Variants in HNRNPR observed in about 807,000 individuals in gnomAD.
HNRNPR encodes heterogeneous nuclear ribonucleoprotein R.
A neutral mutation model predicts 70.3 loss-of-function variants in HNRNPR; 4 were observed. The observed-to-expected ratio is 0.06, with a 90% CI of 0.03 to 0.13. The LOEUF (loss-of-function observed/expected upper bound fraction) is 0.13. HNRNPR is among the 10% of genes least tolerant of loss of function. The probability of loss-of-function intolerance (pLI) is 1.00; values close to 1 mark genes in which losing one functional copy is unlikely to be tolerated. For missense variants in HNRNPR, 423 were observed against 788.5 expected (o/e 0.54, Z 5.55); for synonymous variants, 241 against 267.6 (o/e 0.90, Z 0.97).
chr1:23,311,371 T>C lies in HNRNPR; in HGVS notation c.1168-49A>G, dbSNP rs369832684. Reference sequence around the variant, plus strand: ...TTTACAACGATATAAAACTGTATTTTGTTTTATATAGTATGTAAGCTATTA... The same window carrying C: ...TTTACAACGATATAAAACTGTATTTCGTTTTATATAGTATGTAAGCTATTA... On this transcript the variant is annotated intron_variant, in intron 9 of 10. Coordinates refer to ENST00000302271, the MANE Select transcript of HNRNPR (RefSeq NM_005826.5). The C allele has an allele frequency of 2.4e-4, 293 of 1,229,726 alleles. 1 individual carries two copies. Among genetic ancestry groups the C allele is most frequent in the Non-Finnish European group, 3.2e-4 (279 of 860,880 alleles). The allele number at this position is 1,229,726 out of a possible 1,614,324, so 76.2% of individuals were successfully genotyped here.
rs1645281969 is a variant in HNRNPR, at chr1:23,310,359, TAAAGATG to T, written c.*88_*94del. ...ATACAAATGGCAGCAAAATGCTACTTAAAGATGAAACAGTTAAGCCAATTTTTTTTTT... is the reference window on the plus strand; with the variant it reads ...ATACAAATGGCAGCAAAATGCTACTTAAACAGTTAAGCCAATTTTTTTTTT... On this transcript the variant is annotated 3_prime_UTR_variant, in exon 11 of 11. Transcript: ENST00000302271. This position sits in a 1 kb window ranked among gnomAD's most constrained non-coding sequence, Gnocchi z 6.0. The T allele has an allele frequency of 8.2e-7, 1 of 1,221,900 alleles. No individual in the cohort carries two copies. The highest frequency in any genetic ancestry group is 2.3e-5 in the Admixed American group (1 of 43,250). 75.7% of individuals were successfully genotyped at this position (1,221,900 alleles called of 1,614,324 possible). A position where few individuals can be genotyped will look rare whatever the true frequency, so the allele number is the denominator to read the frequency against.
intron 5 of HNRNPR, among the ~76,000 whole-genome samples, chr1:23,329,413 C>G (rs532014855): frequency 7.9e-5 from 12 of 152,290 alleles, no homozygotes; most frequent in African/African-American, 2.9e-4. Context: ...TTTTTAGTCT[C>G]TGAGTCATTC....
At chr1:23,312,739 T>A (rs1645382707) in intron 9 of HNRNPR, among the ~76,000 whole-genome samples, 1 of 152,158 alleles carries the variant, frequency 6.6e-6, no homozygotes, top group Non-Finnish European at 1.5e-5. Flanking sequence ...ATGCTCAGAT[T>A]AGAGATGGCA....
intron 5 of HNRNPR, among the ~76,000 whole-genome samples, chr1:23,330,825 C>CTT (rs1404964182): frequency 2.6e-5 from 4 of 152,178 alleles, no homozygotes; most frequent in African/African-American, 9.7e-5. Context: ...GGCACTGACT[C>CTT]TAACTTCAAC....
At chr1:23,327,785 T>C (rs1646050109) in intron 5 of HNRNPR, among the ~76,000 whole-genome samples, 1 of 151,674 alleles carries the variant, frequency 6.6e-6, no homozygotes, top group Non-Finnish European at 1.5e-5. Flanking sequence ...AGGGGCTAAA[T>C]GATGGGGCTG....
rs1171758123 is a variant in HNRNPR at position 23,310,782 on chromosome 1, C to A, written c.1574G>T (p.Gly525Val). The A allele has an allele frequency of 4.3e-6, 7 of 1,613,940 alleles. No homozygotes were observed. The highest frequency in any genetic ancestry group is 5.9e-6 in the Non-Finnish European group (7 of 1,179,994). ...PRGRGAPPPR[G>V]RAGYSQRGAP... The stretch of plus-strand genomic sequence containing the variant: ...CCCCCTCTGTGAATAGCCAGCTCTA[C>A]CTCTTGGAGGTGGTGCTCCCCTCCC... The change falls in exon 11 of 11, where the codon GGT becomes GTT. Residue 525 changes from glycine (G) to valine (V), a missense_variant. By Grantham distance (109) the Gly-to-Val change is moderately radical (BLOSUM62 -3). Coordinates refer to ENST00000302271, the MANE Select transcript of HNRNPR (RefSeq NM_005826.5). The surrounding 1 kb of genome is among the most constrained non-coding windows in gnomAD (Gnocchi z 6.0).
At chr1:23,344,037 G>A (rs1216435074) in intron 1 of HNRNPR, among the ~76,000 whole-genome samples, 174 bp downstream of exon 1, 1 of 152,070 alleles carries the variant, frequency 6.6e-6, no homozygotes, top group Admixed American at 6.5e-5. Context: ...GTTTCGGCCG[G>A]GCTAGGCCCA....
intron 5 of HNRNPR, among the ~76,000 whole-genome samples, chr1:23,328,700 A>T (rs914604108): frequency 1.3e-5 from 2 of 152,176 alleles, no homozygotes; most frequent in Admixed American, 1.3e-4. Flanking sequence ...GGGTTTCAAC[A>T]TGTTGGCCAG....
intron 5 of HNRNPR, among the ~76,000 whole-genome samples, chr1:23,327,192 C>T (rs755155658): frequency 1.2e-4 from 18 of 152,146 alleles, no homozygotes; most frequent in Non-Finnish European, 2.4e-4. Flanking sequence ...AGTTGCTCCA[C>T]GTAAATGCCT....
Position 23,333,619 on chromosome 1 carries a change from T to C in HNRNPR, c.397A>G (p.Arg133Gly). Reference protein sequence around the residue: ...DEAKIKALLERTGYTLDVTTG... With the variant: ...DEAKIKALLEGTGYTLDVTTG... ...GTTACATCCAGAGTATAACCAGTTC[T>C]CTCAAGCAAGGCCTAGAGATAATTA... The change falls in exon 5 of 11, where the codon AGA (arginine) becomes GGA (glycine). Residue 133 changes from arginine (R) to glycine (G), a missense_variant. This residue lies in a region of HNRNPR where 118 missense variants were observed against 239.3 expected (regional missense o/e 0.49). Coordinates refer to ENST00000302271, the MANE Select transcript of HNRNPR (RefSeq NM_005826.5). 6.2e-7 allele frequency: 1 copy of C among 1,604,816 alleles called. No individual in the cohort carries two copies. The highest frequency in any genetic ancestry group is 8.5e-7 in the Non-Finnish European group (1 of 1,171,498).
In HNRNPR at chr1:23,318,904, G is replaced by A. The variant is rs2148357266; in HGVS notation, c.812-216C>T. ...TAATTTTAGGGGTTCTGAAGGTACA[G>A]CCATATACAACAAATCTACTATATT... On this transcript the variant is annotated intron_variant, in intron 7 of 10. Transcript: ENST00000302271. The surrounding 1 kb of genome is among the most constrained non-coding windows in gnomAD (Gnocchi z 4.2). 6.6e-6 allele frequency among the ~76,000 whole-genome samples: 1 copy of A among 152,278 alleles called. No homozygotes were observed. The highest frequency in any genetic ancestry group is 1.9e-4 in the East Asian group (1 of 5,192).
At chr1:23,324,843 A>T (rs1456977393) in intron 5 of HNRNPR, among the ~76,000 whole-genome samples, 1 of 152,088 alleles carries the variant, frequency 6.6e-6, no homozygotes, top group Admixed American at 6.6e-5. Flanking sequence ...AAGCAACATT[A>T]AAAATGTTTT....
At chr1:23,335,287 G>A (rs181945934) in intron 4 of HNRNPR, among the ~76,000 whole-genome samples, 51 of 152,332 alleles carry the variant, frequency 3.3e-4, no homozygotes, top group Middle Eastern at 3.4e-3. Flanking sequence ...GTGAACACTA[G>A]GATTTCACAG....
rs1460786978 is a variant in HNRNPR, at chr1:23,317,990, A to G, written c.1017+493T>C. Among the ~76,000 whole-genome samples, 9 of 151,638 alleles carry G rather than the reference A, an allele frequency of 5.9e-5. No homozygotes were observed. The South Asian group carries it at 8.3e-4, about 14-fold the overall frequency. Reference sequence around the variant, plus strand: ...GCAAGACTCTGTCTCAAAAAATAATAATAATAAATAAAATATTTTTAAAAA... The same window carrying G: ...GCAAGACTCTGTCTCAAAAAATAATGATAATAAATAAAATATTTTTAAAAA... On this transcript the variant is annotated intron_variant, in intron 8 of 10. Coordinates refer to ENST00000302271, the MANE Select transcript of HNRNPR (RefSeq NM_005826.5).
intron 5 of HNRNPR, among the ~76,000 whole-genome samples, chr1:23,332,083 G>T (rs922191520): frequency 1.3e-5 from 2 of 151,748 alleles, no homozygotes; most frequent in African/African-American, 4.8e-5. Flanking sequence ...AGTGGGCTGA[G>T]ATCCCACCAC....
At position 23,321,628 on chromosome 1, in the gene HNRNPR, A is replaced by C. The variant is rs1248139935; in HGVS notation, c.711T>G (p.Leu237=). The part of the protein sequence containing the change: ...DSYEIRPGKH[L]GVCISVANNR... Reference sequence around the variant, plus strand: ...TGTTTGCCACAGAAATGCACACTCCAAGGTGTTTACCAGGGCGAATTTCAT... The same window carrying C: ...TGTTTGCCACAGAAATGCACACTCCCAGGTGTTTACCAGGGCGAATTTCAT... Residue 237 remains leucine (L), a synonymous_variant, in exon 7 of 11, where the codon CTT becomes CTG. Coordinates refer to ENST00000302271, the MANE Select transcript of HNRNPR (RefSeq NM_005826.5). The C allele has an allele frequency of 6.2e-7, 1 of 1,612,558 alleles. No individual in the cohort carries two copies. Among genetic ancestry groups the C allele is most frequent in the Admixed American group, 1.7e-5 (1 of 59,914 alleles).
chr1:23,307,721 G>A lies in HNRNPR; in HGVS notation c.*2733C>T, dbSNP rs1645223853. 1 of 151,970 alleles carries A rather than the reference G, an allele frequency of 6.6e-6. No individual in the cohort carries two copies. The highest frequency in any genetic ancestry group is 2.4e-5 in the African/African-American group (1 of 41,412). The allele number at this position is 151,970 out of a possible 1,614,324, so 9.4% of individuals were successfully genotyped here. ...AAAAATTAGTATTCCATTATGGGGAGGGGCATATTTGTATCGGTCTCACCA... is the reference window on the plus strand; with the variant it reads ...AAAAATTAGTATTCCATTATGGGGAAGGGCATATTTGTATCGGTCTCACCA... On this transcript the variant is annotated 3_prime_UTR_variant, in exon 11 of 11. Coordinates refer to ENST00000302271, the MANE Select transcript of HNRNPR (RefSeq NM_005826.5).
chr1:23,334,986 T>C (rs956009185), intron 4 of HNRNPR, among the ~76,000 whole-genome samples: 2 of 151,946 alleles, frequency 1.3e-5, no homozygotes, highest in African/African-American at 4.8e-5. Context: ...GGCGCGATCT[T>C]GGCTCACTGC....
chr1:23,336,132 A>AAAAAAAG (rs1557927545), intron 4 of HNRNPR, among the ~76,000 whole-genome samples: 1 of 144,446 alleles, frequency 6.9e-6, no homozygotes, highest in Admixed American at 6.9e-5. Context: ...AAAAAAAAAA[A>AAAAAAAG]GTCTATCACA....
Sources: gnomAD v4.1 joint callset for allele counts (sites outside exome capture counted in the v4.1 genomes callset) on GRCh38, gnomAD v4.1.1 for gene constraint, gnomAD v4.1.1 regional missense constraint, Gnocchi (gnomAD v3.1) non-coding constraint, MANE v1.5 for transcripts, NCBI Gene and HGNC (gene_info 2026-07-23, HGNC 2026-07-21) for gene names.